RBFOX1: variants seen among roughly 807,000 people sequenced by gnomAD.
The protein encoded by RBFOX1 is RNA binding fox-1 homolog 1.
Under a neutral mutation model 57.7 loss-of-function variants are expected in RBFOX1, and 8 were observed. The ratio of observed to expected loss-of-function variants is 0.14; its 90% CI spans 0.08 to 0.25. The LOEUF (loss-of-function observed/expected upper bound fraction) is 0.25, where lower values mean the gene tolerates loss of function less well. Among genes scored for constraint, RBFOX1 ranks in the 10% least tolerant of loss-of-function variants. The pLI is 1.00. For missense variants in RBFOX1, 611 were observed against 548.5 expected, an observed-to-expected ratio of 1.11 and a Z score of -1.14; for synonymous variants, 326 against 222.4, an observed-to-expected ratio of 1.47 and a Z score of -4.15.
chr16:5,788,418 C>G (rs115128408), intron 3 of RBFOX1, among the ~76,000 whole-genome samples: 1 of 152,104 alleles, frequency 6.6e-6, no homozygotes. Context: ...CACCTGATCT[C>G]AGGAGTTTGA....
intron 3 of RBFOX1, among the ~76,000 whole-genome samples, chr16:5,672,431 T>G (rs998430403): frequency 2.6e-4 from 39 of 152,166 alleles, no homozygotes; most frequent in Non-Finnish European, 3.8e-4. Flanking sequence ...CACATCCTAG[T>G]CTTCATTTCT....
chr16:7,346,896 G>C (rs1386173831), intron 4 of RBFOX1, among the ~76,000 whole-genome samples: 3 of 152,000 alleles, frequency 2.0e-5, no homozygotes, highest in Non-Finnish European at 4.4e-5. Flanking sequence ...ATCCTGTCTA[G>C]CTTCAAAAAA....
At chr16:7,208,136 C>T (rs1056764573) in intron 4 of RBFOX1, among the ~76,000 whole-genome samples, 1 of 152,210 alleles carries the variant, frequency 6.6e-6, no homozygotes. Flanking sequence ...TTATGTATCC[C>T]TGGAGTTTGG....
intron 1 of RBFOX1, among the ~76,000 whole-genome samples, chr16:6,307,047 C>A (rs1358545256): frequency 6.6e-6 from 1 of 152,204 alleles, no homozygotes; most frequent in African/African-American, 2.4e-5. Flanking sequence ...GCAGACTAAA[C>A]ATTACATCAG....
intron 4 of RBFOX1, among the ~76,000 whole-genome samples, chr16:7,176,909 A>G (rs972905404): frequency 6.6e-6 from 1 of 152,206 alleles, no homozygotes; most frequent in African/African-American, 2.4e-5. Context: ...GATATTTCCC[A>G]TTTAAATGCC....
chr16:6,754,213 A>G (rs1473971541), intron 3 of RBFOX1, among the ~76,000 whole-genome samples: 4 of 152,176 alleles, frequency 2.6e-5, no homozygotes, highest in Non-Finnish European at 4.4e-5. Context: ...GAAAGTGTCT[A>G]TGCTCTGGGG....
At chr16:7,565,350 C>T (rs2091416855) in intron 5 of RBFOX1, among the ~76,000 whole-genome samples, 4 of 151,986 alleles carry the variant, frequency 2.6e-5, no homozygotes, top group Non-Finnish European at 2.9e-5. Context: ...ATATATTTTC[C>T]CCCGAACTTT....
intron 4 of RBFOX1, among the ~76,000 whole-genome samples, chr16:5,944,993 G>C (rs1456207339): frequency 7.3e-6 from 1 of 136,820 alleles, no homozygotes; most frequent in Admixed American, 7.8e-5. Flanking sequence ...AAAAAAGAGA[G>C]AGAGAGAGAG....
intron 4 of RBFOX1, among the ~76,000 whole-genome samples, chr16:7,217,264 G>A (rs2152825226): frequency 7.2e-6 from 1 of 138,368 alleles, no homozygotes; most frequent in South Asian, 2.4e-4. Context: ...ACCACAGCTG[G>A]CTAATTATCT....
intron 3 of RBFOX1, among the ~76,000 whole-genome samples, chr16:5,778,675 G>A (rs138364858): frequency 2.6e-4 from 40 of 152,270 alleles, no homozygotes; most frequent in East Asian, 3.9e-4. Context: ...TGTCCTGTGC[G>A]TGGCCATCTC....
At chr16:6,486,078 A>C (rs2095474958) in intron 2 of RBFOX1, among the ~76,000 whole-genome samples, 1 of 133,026 alleles carries the variant, frequency 7.5e-6, no homozygotes, top group African/African-American at 2.8e-5. Context: ...ATCTCAGTAA[A>C]AGGCTTTTTT....
chr16:6,937,813 A>T (rs999343289), intron 3 of RBFOX1, among the ~76,000 whole-genome samples: 2 of 151,780 alleles, frequency 1.3e-5, no homozygotes, highest in Non-Finnish European at 2.9e-5. Context: ...TTAGATTGCA[A>T]ATGTTTCTTT....
intron 2 of RBFOX1, among the ~76,000 whole-genome samples, chr16:6,644,575 T>C (rs2098518271): frequency 6.6e-6 from 1 of 152,222 alleles, no homozygotes; most frequent in African/African-American, 2.4e-5. Context: ...TCTGGGACTT[T>C]GTATTTGAGT....
At chr16:7,199,346 A>G (rs1021007927) in intron 4 of RBFOX1, among the ~76,000 whole-genome samples, 12 of 152,124 alleles carry the variant, frequency 7.9e-5, no homozygotes, top group Non-Finnish European at 1.8e-4. Flanking sequence ...CTGTTTTATC[A>G]TTTGAAAAAT....
intron 4 of RBFOX1, among the ~76,000 whole-genome samples, chr16:7,450,980 C>G (rs2098847587): frequency 6.6e-6 from 1 of 152,170 alleles, no homozygotes; most frequent in African/African-American, 2.4e-5. Flanking sequence ...GTGGCTGCCT[C>G]CTTCAATCAC....
intron 4 of RBFOX1, among the ~76,000 whole-genome samples, chr16:5,955,961 T>C (rs997072692): frequency 1.3e-5 from 2 of 152,104 alleles, no homozygotes; most frequent in East Asian, 1.9e-4. Flanking sequence ...GGTGCACATC[T>C]AACAAATAAA....
At chr16:6,546,119 T>C (rs1002803026) in intron 2 of RBFOX1, among the ~76,000 whole-genome samples, 2 of 152,230 alleles carry the variant, frequency 1.3e-5, no homozygotes, top group African/African-American at 2.4e-5. Context: ...TGTGTTAGGC[T>C]ACATTCAAAG....
chr16:5,784,660 T>G (rs1363275854), intron 3 of RBFOX1, among the ~76,000 whole-genome samples: 1 of 152,106 alleles, frequency 6.6e-6, no homozygotes, highest in Non-Finnish European at 1.5e-5. Context: ...AACATGAGAT[T>G]TGGGTGACGA....
intron 3 of RBFOX1, among the ~76,000 whole-genome samples, chr16:6,948,612 C>G (rs565559972): frequency 2.6e-4 from 40 of 152,028 alleles, no homozygotes; most frequent in African/African-American, 8.9e-4. Context: ...GAACTGCTGA[C>G]TTCAAATGAT....
Sources: allele counts gnomAD v4.1 joint callset (sites outside exome capture counted in the v4.1 genomes callset), GRCh38; gene constraint gnomAD v4.1.1; transcripts MANE v1.5; gene names NCBI Gene and HGNC (gene_info 2026-07-23, HGNC 2026-07-21).